RGS6: variants seen among roughly 807,000 people sequenced by gnomAD.
RGS6 encodes the protein regulator of G protein signaling 6, also known as regulator of G-protein signaling 6.
A neutral mutation model predicts 78.5 loss-of-function variants in RGS6; 30 were observed. That is an observed-to-expected ratio of 0.38 (90% CI 0.29 to 0.52). RGS6 has a LOEUF of 0.52. RGS6 is among the 20% of genes least tolerant of loss of function. The pLI, the probability that RGS6 is intolerant of heterozygous loss-of-function variation, is 0.85. For missense variants in RGS6, 495 were observed against 609.7 expected, an observed-to-expected ratio of 0.81 and a Z score of 1.98; for synonymous variants, 206 against 206.0, an observed-to-expected ratio of 1.00 and a Z score of 0.00.
chr14:72,498,154 G>T (rs1439658055), intron 13 of RGS6, among the ~76,000 whole-genome samples: 1 of 152,056 alleles, frequency 6.6e-6, no homozygotes, highest in Non-Finnish European at 1.5e-5. Context: ...ATACTTCTTG[G>T]ACTGTTCTTT....
At chr14:72,468,128 G>A (rs1434436470) in intron 7 of RGS6, among the ~76,000 whole-genome samples, 5 of 152,260 alleles carry the variant, frequency 3.3e-5, no homozygotes, top group Non-Finnish European at 5.9e-5. Flanking sequence ...AGGTATGGTG[G>A]CTCATGCCTG....
chr14:72,536,106 C>T, intron 15 of RGS6, 80 bp from the exon 16 acceptor site: 3 of 1,106,644 alleles, frequency 2.7e-6, no homozygotes, highest in Non-Finnish European at 4.1e-6. Context: ...TTCCCCAAAA[C>T]AGTGATCAAT....
intron 13 of RGS6, among the ~76,000 whole-genome samples, chr14:72,502,023 A>G (rs559293338): frequency 6.6e-6 from 1 of 152,338 alleles, no homozygotes; most frequent in Non-Finnish European, 1.5e-5. Context: ...TACATCAAGT[A>G]GGACACCAAG....
the RGS6 span, among the ~76,000 whole-genome samples, chr14:72,613,382 G>A: frequency 3.9e-5 from 6 of 152,200 alleles, no homozygotes; most frequent in African/African-American, 1.4e-4. Flanking sequence ...CTGTCCAAGA[G>A]GGTTCTGGCT....
At chr14:72,261,247 G>A (rs1009770608) in intron 2 of RGS6, among the ~76,000 whole-genome samples, 7 of 152,190 alleles carry the variant, frequency 4.6e-5, no homozygotes, top group Non-Finnish European at 1.0e-4. Context: ...GTAAGAAGAT[G>A]TTCCGTTTCC....
intron 1 of RGS6, among the ~76,000 whole-genome samples, chr14:71,952,525 G>A (rs941640501): frequency 1.3e-5 from 2 of 151,650 alleles, no homozygotes; most frequent in African/African-American, 4.8e-5. Context: ...ATCATTGTAG[G>A]AATTGGTACT....
chr14:72,617,209 T>C, the RGS6 span, among the ~76,000 whole-genome samples: 160 of 152,358 alleles, frequency 1.1e-3, no homozygotes, highest in African/African-American at 3.6e-3. Context: ...TGTGAAGTTG[T>C]AGAGCCACAG....
chr14:72,459,230 A>C (rs528838660), intron 5 of RGS6, among the ~76,000 whole-genome samples: 4 of 152,192 alleles, frequency 2.6e-5, no homozygotes, highest in Non-Finnish European at 5.9e-5. Context: ...ATGAGGGCAG[A>C]GGATATGGGC....
At chr14:72,359,076 GA>G (rs2080948771) in intron 3 of RGS6, among the ~76,000 whole-genome samples, 1 of 152,174 alleles carries the variant, frequency 6.6e-6, no homozygotes, top group South Asian at 2.1e-4. Context: ...GCTGCCATGT[GA>G]AGAAGGATGT....
intron 3 of RGS6, among the ~76,000 whole-genome samples, chr14:72,366,519 C>A (rs925529863): frequency 6.6e-6 from 1 of 152,034 alleles, no homozygotes; most frequent in Non-Finnish European, 1.5e-5. Context: ...AAGAAGAACC[C>A]AACATCAGAT....
chr14:72,615,647 G>C, the RGS6 span, among the ~76,000 whole-genome samples: 2 of 152,166 alleles, frequency 1.3e-5, no homozygotes, highest in African/African-American at 4.8e-5. Context: ...CAGTCGGCTG[G>C]GCTCAGCCTG....
At chr14:72,473,711 G>A (rs1049333087) in intron 9 of RGS6, among the ~76,000 whole-genome samples, 1 of 152,194 alleles carries the variant, frequency 6.6e-6, no homozygotes, top group African/African-American at 2.4e-5. Flanking sequence ...GAACTACCAA[G>A]CTAGGTCCCC....
the RGS6 span, among the ~76,000 whole-genome samples, chr14:71,892,157 A>G: frequency 6.6e-6 from 1 of 152,188 alleles, no homozygotes; most frequent in Non-Finnish European, 1.5e-5. Context: ...CAATACAATG[A>G]AATTCCTTCA....
At chr14:72,411,387 G>A (rs987491192) in intron 3 of RGS6, among the ~76,000 whole-genome samples, 1 of 152,162 alleles carries the variant, frequency 6.6e-6, no homozygotes, top group Non-Finnish European at 1.5e-5. Flanking sequence ...TGGTGTATAA[G>A]AATGCTTGTG....
At chr14:72,001,451 T>G (rs2083401529) in intron 2 of RGS6, among the ~76,000 whole-genome samples, 1 of 150,996 alleles carries the variant, frequency 6.6e-6, no homozygotes, top group African/African-American at 2.4e-5. Flanking sequence ...ATCAATGCTT[T>G]CTAAGATAAA....
chr14:72,570,021 T>C (rs1354959814), downstream of RGS6, among the ~76,000 whole-genome samples: 1 of 152,190 alleles, frequency 6.6e-6, no homozygotes, highest in Non-Finnish European at 1.5e-5. Context: ...ACCCACACAT[T>C]GAAGAGAATG....
the RGS6 span, among the ~76,000 whole-genome samples, chr14:71,920,782 T>A: frequency 6.6e-6 from 1 of 152,160 alleles, no homozygotes; most frequent in African/African-American, 2.4e-5. Flanking sequence ...GCAGGTTAAA[T>A]ACATCGGTTT....
chr14:72,310,677 C>T (rs1380536975), intron 2 of RGS6, among the ~76,000 whole-genome samples: 2 of 152,192 alleles, frequency 1.3e-5, no homozygotes, highest in Non-Finnish European at 2.9e-5. Flanking sequence ...GCAGTGAAGG[C>T]TGGAGTCACA....
intron 2 of RGS6, among the ~76,000 whole-genome samples, chr14:72,070,257 A>G (rs1461372748): frequency 2.0e-5 from 3 of 152,082 alleles, no homozygotes; most frequent in Non-Finnish European, 4.4e-5. Context: ...GGATTCTTCC[A>G]GGTCTGAGTT....
Sources: gnomAD v4.1 joint callset for allele counts (sites outside exome capture counted in the v4.1 genomes callset) on GRCh38, gnomAD v4.1.1 for gene constraint, MANE v1.5 for transcripts, NCBI Gene and HGNC (gene_info 2026-07-23, HGNC 2026-07-21) for gene names.